Variants in ZBTB5 observed in about 807,000 individuals in gnomAD.
ZBTB5 encodes zinc finger and BTB domain containing 5.
ZBTB5 carries 15 observed loss-of-function variants against 37.9 expected under a neutral mutation model. That is an observed-to-expected ratio of 0.40 (90% CI 0.26 to 0.61). The LOEUF is 0.61. Among genes scored for constraint, ZBTB5 ranks in the 20% least tolerant of loss-of-function variants. ZBTB5 has a pLI of 0.47. For synonymous variants in ZBTB5, 315 were observed against 312.4 expected (o/e 1.01, Z -0.09); for missense variants, 708 against 856.8 (o/e 0.83, Z 2.17).
intron 1 of ZBTB5, among the ~76,000 whole-genome samples, chr9:37,457,921 A>T (rs1035013170): frequency 6.6e-6 from 1 of 152,252 alleles, no homozygotes; most frequent in Non-Finnish European, 1.5e-5. Flanking sequence ...ATTACAAGTC[A>T]TCAGAAAGGT....
At chr9:37,460,204 G>A (rs896073553) in intron 1 of ZBTB5, among the ~76,000 whole-genome samples, 1 of 151,820 alleles carries the variant, frequency 6.6e-6, no homozygotes, top group African/African-American at 2.4e-5. Context: ...TTGGGAGGCC[G>A]AGGCGGGTGG....
intron 1 of ZBTB5, among the ~76,000 whole-genome samples, chr9:37,457,435 G>T (rs1451830585): frequency 6.6e-6 from 1 of 152,082 alleles, no homozygotes; most frequent in African/African-American, 2.4e-5. Flanking sequence ...TCACTATGTT[G>T]CTCTGGCTGG....
At chr9:37,462,659 G>A (rs1002615658) in intron 1 of ZBTB5, among the ~76,000 whole-genome samples, 5 of 151,636 alleles carry the variant, frequency 3.3e-5, no homozygotes, top group African/African-American at 1.2e-4. Context: ...TGCCTCCCAG[G>A]CTCAAGCGAT....
rs1285127477 is a variant in ZBTB5, at chr9:37,441,823, A to G, written c.729T>C (p.Asn243=). The change falls in exon 2 of 2, where the codon AAT becomes AAC. Residue 243 remains asparagine (N), a synonymous_variant. Coordinates refer to ENST00000307750, the MANE Select transcript of ZBTB5 (RefSeq NM_014872.3). ...FSPDSLKIVD[N]PKADGMTDNQ... ...TATCAGTCATTCCATCAGCTTTAGGATTATCCACAATTTTCAGAGAATCTG... is the reference window on the plus strand; with the variant it reads ...TATCAGTCATTCCATCAGCTTTAGGGTTATCCACAATTTTCAGAGAATCTG... 1 of 1,613,924 alleles carries G rather than the reference A, an allele frequency of 6.2e-7. No individual in the cohort carries two copies. Among genetic ancestry groups the G allele is most frequent in the African/African-American group, 1.3e-5 (1 of 74,862 alleles).
At position 37,457,226 on chromosome 9, in the gene ZBTB5, A is replaced by G. The variant is rs954564559; in HGVS notation, c.-5+7989T>C. Among the ~76,000 whole-genome samples, 21 of 152,186 alleles carry G rather than the reference A, an allele frequency of 1.4e-4. No individual in the cohort carries two copies. In the East Asian group the frequency reaches 1.5e-3, roughly 11 times the overall value. ...TTTTGTATACAAGTTCATTCATGTA[A>G]TATGTTTTTTGTTTTGTTTTGTTTT... is the stretch of plus-strand genomic sequence containing the variant. On this transcript the variant is annotated intron_variant, in intron 1 of 1. Transcript: ENST00000307750.
chr9:37,438,916 A>G lies in ZBTB5; in HGVS notation c.*1602T>C, dbSNP rs1253620973. 1 of 152,224 alleles carries G rather than the reference A, an allele frequency of 6.6e-6. No individual in the cohort carries two copies. The allele number at this position is 152,224 out of a possible 1,614,324, so 9.4% of individuals were successfully genotyped here. On this transcript the variant is annotated 3_prime_UTR_variant, in exon 2 of 2. Coordinates refer to ENST00000307750, the MANE Select transcript of ZBTB5 (RefSeq NM_014872.3). The stretch of plus-strand genomic sequence containing the variant: ...CATGGGAGATGCCAAGCGCCCCTGG[A>G]ACATGAAATTATCCACACATGTGTA...
In ZBTB5 at chr9:37,441,146, G is replaced by A. The variant is rs761062522; in HGVS notation, c.1406C>T (p.Pro469Leu). The A allele has an allele frequency of 1.9e-6, 3 of 1,613,974 alleles. No individual in the cohort carries two copies. Among genetic ancestry groups the A allele is most frequent in the Admixed American group, 3.3e-5 (2 of 59,986 alleles). The change falls in exon 2 of 2, where the codon CCA (proline) becomes CTA (leucine). Residue 469 changes from proline to leucine, a missense_variant. Around this residue, in one of 3 missense-constraint regions of ZBTB5, gnomAD observed 639 missense variants for 690.5 expected, o/e 0.93. Transcript: ENST00000307750. The stretch of plus-strand genomic sequence containing the variant: ...GTGGGAGTCTGCAGGTTCACTAAAT[G>A]GGTTCTCTACATGGGAGCCAGGGGC... ...SSAPGSHVEN[P>L]FSEPADSHFV...
At chr9:37,443,499 C>T (rs1458848136) in intron 1 of ZBTB5, among the ~76,000 whole-genome samples, 3 of 152,088 alleles carry the variant, frequency 2.0e-5, no homozygotes, top group East Asian at 1.9e-4. Flanking sequence ...AACTGGGCAG[C>T]GGATAAAACA....
In ZBTB5 at chr9:37,450,875, A is replaced by C. The variant is rs555064054; in HGVS notation, c.-4-8320T>G. ...GCAAAACTCCATCTCAAAAAAAAAA[A>C]AATGAATTAGCTCCAAGCATATTAT... On this transcript the variant is annotated intron_variant, in intron 1 of 1. Transcript: ENST00000307750. Among the ~76,000 whole-genome samples the C allele has an allele frequency of 7.9e-5, 12 of 152,226 alleles. No individual in the cohort carries two copies. The South Asian group carries it at 2.5e-3, about 32-fold the overall frequency.
At chr9:37,458,277 GTTA>G (rs1824228661) in intron 1 of ZBTB5, among the ~76,000 whole-genome samples, 1 of 152,198 alleles carries the variant, frequency 6.6e-6, no homozygotes, top group Non-Finnish European at 1.5e-5. Flanking sequence ...CCCTACATCT[GTTA>G]TTAAGTCTCA....
chr9:37,464,968 G>A (rs1817597418), intron 1 of ZBTB5, among the ~76,000 whole-genome samples: 2 of 152,230 alleles, frequency 1.3e-5, no homozygotes, highest in East Asian at 3.8e-4. Context: ...ATCCACAGGA[G>A]TACCAGCCCC....
At position 37,440,975 on chromosome 9, in the gene ZBTB5, C is replaced by T; in HGVS notation, c.1577G>A (p.Arg526Lys). The T allele has an allele frequency of 6.2e-7, 1 of 1,614,202 alleles. No homozygotes were observed. The highest frequency in any genetic ancestry group is 8.5e-7 in the Non-Finnish European group (1 of 1,180,034). ...SFSRVMIGSP[R>K]GGASNFPYYR... Reference sequence around the variant, plus strand: ...GTAAGGAAAGTTACTGGCTCCTCCCCTTGGGGAACCTATCATTACCCTGGA... The same window carrying T: ...GTAAGGAAAGTTACTGGCTCCTCCCTTTGGGGAACCTATCATTACCCTGGA... The change falls in exon 2 of 2, where the codon AGG (arginine) becomes AAG (lysine). Residue 526 changes from arginine (R) to lysine (K), a missense_variant. This residue lies in a region of ZBTB5 where 639 missense variants were observed against 690.5 expected (regional missense o/e 0.93). Transcript: ENST00000307750.
chr9:37,460,029 A>G (rs978234232), intron 1 of ZBTB5, among the ~76,000 whole-genome samples: 2 of 141,258 alleles, frequency 1.4e-5, no homozygotes, highest in African/African-American at 2.7e-5. Context: ...AATTTTTAGT[A>G]AAGACTGGGT....
Position 37,441,069 on chromosome 9 carries a change from C to G in ZBTB5, c.1483G>C (p.Gly495Arg). 4 of 1,614,136 alleles carry G rather than the reference C, an allele frequency of 2.5e-6. No individual in the cohort carries two copies. Among genetic ancestry groups the G allele is most frequent in the Non-Finnish European group, 3.4e-6 (4 of 1,180,038 alleles). Residue 495 changes from glycine (G) to arginine (R), a missense_variant, in exon 2 of 2, where the codon GGC becomes CGC. Transcript: ENST00000307750. ...VMGLPCVQTS[G>R]YQGGEQFGMD... ...CCAAACTGTTCTCCTCCTTGGTAGCCTGAAGTCTGCACACACGGCAGGCCC... is the reference window on the plus strand; with the variant it reads ...CCAAACTGTTCTCCTCCTTGGTAGCGTGAAGTCTGCACACACGGCAGGCCC...
Position 37,438,415 on chromosome 9 carries a change from T to C in ZBTB5, c.*2103A>G, listed in dbSNP as rs1823767771. On this transcript the variant is annotated 3_prime_UTR_variant, in exon 2 of 2. Coordinates refer to ENST00000307750, the MANE Select transcript of ZBTB5 (RefSeq NM_014872.3). Reference sequence around the variant, plus strand: ...GGACACTGGCCCACAAGCTTGCTTCTCACACGTAGAAACTGACAGACTAAG... The same window carrying C: ...GGACACTGGCCCACAAGCTTGCTTCCCACACGTAGAAACTGACAGACTAAG... The C allele has an allele frequency of 6.6e-6, 1 of 152,610 alleles. No individual in the cohort carries two copies. The highest frequency in any genetic ancestry group is 1.9e-4 in the East Asian group (1 of 5,208). The allele number at this position is 152,610 out of a possible 1,614,324, so 9.5% of individuals were successfully genotyped here. A position where few individuals can be genotyped will look rare whatever the true frequency, so the allele number is the denominator to read the frequency against.
chr9:37,444,348 G>A (rs868168740), intron 1 of ZBTB5, among the ~76,000 whole-genome samples: 1 of 151,112 alleles, frequency 6.6e-6, no homozygotes, highest in Non-Finnish European at 1.5e-5. Context: ...ATAGGTGCAC[G>A]CCACCACACC....
rs1283542272 is a variant in ZBTB5 at position 37,438,769 on chromosome 9, A to ACAAGGAGCCACACACACAACT, written c.*1728_*1748dup. ...TAACACCATGTCAACATGACTGCTA[A>ACAAGGAGCCACACACACAACT]CAAGGAGCCACACACACAACTGAAT... On this transcript the variant is annotated 3_prime_UTR_variant, in exon 2 of 2. Transcript: ENST00000307750. 3 of 152,220 alleles carry ACAAGGAGCCACACACACAACT rather than the reference A, an allele frequency of 2.0e-5. No individual in the cohort carries two copies. The highest frequency in any genetic ancestry group is 4.4e-5 in the Non-Finnish European group (3 of 68,058). 9.4% of individuals were successfully genotyped at this position (152,220 alleles called of 1,614,324 possible). A position where few individuals can be genotyped will look rare whatever the true frequency, so the allele number is the denominator to read the frequency against.
In ZBTB5 at chr9:37,440,251, A is replaced by G. The variant is rs1214448672; in HGVS notation, c.*267T>C. 3 of 425,356 alleles carry G rather than the reference A, an allele frequency of 7.1e-6. No individual in the cohort carries two copies. Among genetic ancestry groups the G allele is most frequent in the Non-Finnish European group, 8.4e-6 (2 of 239,024 alleles). 26.3% of individuals were successfully genotyped at this position (425,356 alleles called of 1,614,324 possible). On this transcript the variant is annotated 3_prime_UTR_variant, in exon 2 of 2. Transcript: ENST00000307750. The stretch of plus-strand genomic sequence containing the variant: ...TTAAATTTTTAAATGTGCCACTTTT[A>G]ATATCAATTACAAACTACTTTCTGA...
chr9:37,448,381 A>C (rs1824033860), intron 1 of ZBTB5, among the ~76,000 whole-genome samples: 1 of 152,206 alleles, frequency 6.6e-6, no homozygotes, highest in African/African-American at 2.4e-5. Flanking sequence ...TGGGAATCAC[A>C]ATTTGCAGAC....
Sources: gnomAD v4.1 joint callset for allele counts (sites outside exome capture counted in the v4.1 genomes callset) on GRCh38, gnomAD v4.1.1 for gene constraint, gnomAD v4.1.1 regional missense constraint, MANE v1.5 for transcripts, NCBI Gene and HGNC (gene_info 2026-07-23, HGNC 2026-07-21) for gene names.